Variants in DYNC2H1 observed in about 807,000 individuals in gnomAD.
The protein encoded by DYNC2H1 is cytoplasmic dynein 2 heavy chain 1.
DYNC2H1 carries 410 observed loss-of-function variants against 570.0 expected under a neutral mutation model. That is an observed-to-expected ratio of 0.72 (90% CI 0.66 to 0.78). DYNC2H1 has a LOEUF of 0.78. DYNC2H1 is among the 30% of genes least tolerant of loss of function. The probability of loss-of-function intolerance (pLI) is 0.00; values close to 1 mark genes in which losing one functional copy is unlikely to be tolerated. For missense variants in DYNC2H1, 4,865 were observed against 5,046.4 expected (o/e 0.96, Z 1.09); for synonymous variants, 1,688 against 1,677.6 (o/e 1.01, Z -0.15).
chr11:103,285,424 CT>C (rs60667279), intron 73 of DYNC2H1, among the ~76,000 whole-genome samples: 11 of 136,982 alleles, frequency 8.0e-5, no homozygotes, highest in Non-Finnish European at 1.1e-4. Flanking sequence ...TTTTTCTTTT[CT>C]TTTTTTTTTT....
intron 85 of DYNC2H1, among the ~76,000 whole-genome samples, chr11:103,443,326 A>G (rs1209040908): frequency 6.6e-6 from 1 of 151,950 alleles, no homozygotes; most frequent in Admixed American, 6.6e-5. Flanking sequence ...GCTATTTGCA[A>G]CTGGAAATCT....
chr11:103,241,938 G>A lies in DYNC2H1; in HGVS notation c.9820-1755G>A, dbSNP rs115275623. ...CACCGTGTGCTAGCAATTGTAAACA[G>A]CATTGGTGATATAAAACTATTCGTC... On this transcript the variant is annotated intron_variant, in intron 63 of 88. Transcript: ENST00000375735. This position sits in a 1 kb window ranked among gnomAD's most constrained non-coding sequence, Gnocchi z 5.1. Among the ~76,000 whole-genome samples, 2,813 of 152,128 alleles carry A rather than the reference G, an allele frequency of 0.018. 83 individuals carry two copies. Among genetic ancestry groups the A allele is most frequent in the African/African-American group, 0.063 (2,607 of 41,486 alleles).
chr11:103,269,485 A>G (rs1344738326), intron 70 of DYNC2H1, among the ~76,000 whole-genome samples: 5 of 152,202 alleles, frequency 3.3e-5, no homozygotes, highest in Admixed American at 2.6e-4. Flanking sequence ...CAGTATGGCA[A>G]CAGTAGACTC....
chr11:103,246,784 C>T (rs940928115), intron 65 of DYNC2H1, among the ~76,000 whole-genome samples: 6 of 152,038 alleles, frequency 3.9e-5, no homozygotes, highest in Non-Finnish European at 8.8e-5. Flanking sequence ...CCTAGAATCA[C>T]ATAAAACAAA....
intron 70 of DYNC2H1, among the ~76,000 whole-genome samples, chr11:103,272,106 G>A (rs2135310311): frequency 6.6e-6 from 1 of 152,294 alleles, no homozygotes; most frequent in South Asian, 2.1e-4. Flanking sequence ...TCATGCTGCT[G>A]TAAAGACACA....
intron 82 of DYNC2H1, among the ~76,000 whole-genome samples, chr11:103,329,612 A>G (rs1219316880): frequency 2.0e-5 from 3 of 152,186 alleles, no homozygotes; most frequent in Non-Finnish European, 4.4e-5. Context: ...TGATGTTAGA[A>G]GAAACTGAAG....
chr11:103,447,987 G>A (rs1266352011), intron 85 of DYNC2H1, among the ~76,000 whole-genome samples: 1 of 152,058 alleles, frequency 6.6e-6, no homozygotes, highest in Non-Finnish European at 1.5e-5. Flanking sequence ...AAAAGGCTTA[G>A]TCTTTTAAGA....
In DYNC2H1 at chr11:103,479,099, C is replaced by T; in HGVS notation, c.12770C>T (p.Ala4257Val). 3 of 1,613,710 alleles carry T rather than the reference C, an allele frequency of 1.9e-6. No homozygotes were observed. The highest frequency in any genetic ancestry group is 1.7e-6 in the Non-Finnish European group (2 of 1,179,750). ...AACAAGTTATTTTTTAAACAGGATG[C>T]ATGTGGTCCATATTCTCCGGATGAG... ...PCFMGWIPQD[A>V]CGPYSPDECI... The change falls in exon 89 of 89, where the codon GCA becomes GTA. Residue 4257 changes from alanine (A) to valine (V), a missense_variant. Ala to Val is a moderately conservative substitution (Grantham distance 64). Transcript: ENST00000375735.
chr11:103,475,009 T>G (rs1251619126), intron 88 of DYNC2H1, among the ~76,000 whole-genome samples: 1 of 152,226 alleles, frequency 6.6e-6, no homozygotes, highest in Non-Finnish European at 1.5e-5. Flanking sequence ...TTCAGGCTTT[T>G]CTTGGACACT....
At chr11:103,251,315 A>G (rs554989463) in intron 65 of DYNC2H1, among the ~76,000 whole-genome samples, 1 of 152,280 alleles carries the variant, frequency 6.6e-6, no homozygotes, top group African/African-American at 2.4e-5. Context: ...AGAGTCTGAT[A>G]TTAGAGTGGT....
In DYNC2H1 at chr11:103,153,320, A is replaced by G. The variant is rs760600446; in HGVS notation, c.3114A>G (p.Gly1038=). Residue 1038 remains glycine, a synonymous_variant, in exon 22 of 89, where the codon GGA becomes GGG. Transcript: ENST00000375735. The stretch of plus-strand genomic sequence containing the variant: ...GCTTATAGATTGAAGTGATGAAAGG[A>G]AATGTGAAATCACGTCTTCAGATCT... ...MIKDQIEVMK[G]NVKSRLQIYY... is the part of the protein sequence containing the mutation. 33 of 1,537,892 alleles carry G rather than the reference A, an allele frequency of 2.1e-5. No individual in the cohort carries two copies. The highest frequency in any genetic ancestry group is 2.8e-5 in the Non-Finnish European group (32 of 1,143,546).
At position 103,283,014 on chromosome 11, in the gene DYNC2H1, C is replaced by G. The variant is rs1352476832; in HGVS notation, c.10819C>G (p.Gln3607Glu). 1 of 1,599,432 alleles carries G rather than the reference C, an allele frequency of 6.3e-7. No individual in the cohort carries two copies. The highest frequency in any genetic ancestry group is 8.5e-7 in the Non-Finnish European group (1 of 1,173,170). ...VGDMLRKADS[Q>E]QKIRDQLPSW... is the part of the protein sequence containing the mutation. ...ATAATTGCTTTTATTAAAGGACTCTCAACAAAAAATACGTGATCAGCTTCC... is the reference window on the plus strand; with the variant it reads ...ATAATTGCTTTTATTAAAGGACTCTGAACAAAAAATACGTGATCAGCTTCC... The change falls in exon 73 of 89, where the codon CAA becomes GAA. Residue 3607 changes from glutamine to glutamate, a missense_variant. By Grantham distance (29) the Gln-to-Glu change is conservative (BLOSUM62 2). Around this residue, in one of 5 missense-constraint regions of DYNC2H1, gnomAD observed 2,401 missense variants for 2,454.6 expected, o/e 0.98. Coordinates refer to ENST00000375735, the MANE Select transcript of DYNC2H1 (RefSeq NM_001377.3).
intron 52 of DYNC2H1, among the ~76,000 whole-genome samples, chr11:103,207,923 T>A (rs568335214): frequency 6.6e-6 from 1 of 152,092 alleles, no homozygotes; most frequent in South Asian, 2.1e-4. Flanking sequence ...GTTGGTAAGG[T>A]GGTAAATTAG....
At chr11:103,413,938 CT>C in intron 84 of DYNC2H1, among the ~76,000 whole-genome samples, 1 of 151,924 alleles carries the variant, frequency 6.6e-6, no homozygotes. Context: ...TTTGTTTGTC[CT>C]TTTTCATTCA....
chr11:103,414,282 C>A (rs899197751), intron 84 of DYNC2H1, among the ~76,000 whole-genome samples: 4 of 152,078 alleles, frequency 2.6e-5, no homozygotes, highest in Non-Finnish European at 5.9e-5. Flanking sequence ...TAATTTTATG[C>A]CTACAAATTC....
At chr11:103,448,160 G>T (rs1250110176) in intron 85 of DYNC2H1, among the ~76,000 whole-genome samples, 1 of 152,108 alleles carries the variant, frequency 6.6e-6, no homozygotes, top group African/African-American at 2.4e-5. Flanking sequence ...AGAAAAATTA[G>T]GATATTACGT....
intron 17 of DYNC2H1, among the ~76,000 whole-genome samples, chr11:103,137,046 G>A (rs1290985209): frequency 1.3e-5 from 2 of 149,006 alleles, no homozygotes; most frequent in African/African-American, 4.9e-5. Flanking sequence ...GTCTGTTCAT[G>A]TCCTTTGCCC....
chr11:103,343,580 T>C (rs1339153360), intron 82 of DYNC2H1, among the ~76,000 whole-genome samples: 1 of 152,072 alleles, frequency 6.6e-6, no homozygotes, highest in Non-Finnish European at 1.5e-5. Context: ...GAAGCTAGGA[T>C]GTGGGGAGCC....
chr11:103,111,131 G>T (rs1858093314), intron 1 of DYNC2H1, among the ~76,000 whole-genome samples: 1 of 152,126 alleles, frequency 6.6e-6, no homozygotes, highest in Admixed American at 6.5e-5. Flanking sequence ...TGGCTTCAGT[G>T]CATTTTTATA....
Sources: allele counts gnomAD v4.1 joint callset (sites outside exome capture counted in the v4.1 genomes callset), GRCh38; gene constraint gnomAD v4.1.1; regional missense constraint gnomAD v4.1.1; non-coding constraint Gnocchi (gnomAD v3.1); transcripts MANE v1.5; gene names NCBI Gene and HGNC (gene_info 2026-07-23, HGNC 2026-07-21).